PATJ: variants seen among roughly 807,000 people sequenced by gnomAD.
PATJ encodes inaD-like protein.
Under a neutral mutation model 224.9 loss-of-function variants are expected in PATJ, and 190 were observed. That is an observed-to-expected ratio of 0.84 (90% CI 0.75 to 0.95). PATJ has a LOEUF of 0.95. Among genes scored for constraint, PATJ ranks in the 40% least tolerant of loss-of-function variants. PATJ has a pLI of 0.00. For synonymous variants in PATJ, 769 were observed against 820.3 expected, an observed-to-expected ratio of 0.94 and a Z score of 1.07; for missense variants, 2,121 against 2,270.3, an observed-to-expected ratio of 0.93 and a Z score of 1.34.
At chr1:61,974,405 CTTTTTTTTTTTTTT>C (rs149825131) in intron 27 of PATJ, among the ~76,000 whole-genome samples, 2 of 64,240 alleles carry the variant, frequency 3.1e-5, no homozygotes, top group Admixed American at 2.7e-4. Context: ...CTCTCTCTCT[CTTTTTTTTTTTTTT>C]TTTTTTTTTT....
chr1:62,005,050 ATTGT>A (rs1646007086), intron 28 of PATJ, among the ~76,000 whole-genome samples: 1 of 151,992 alleles, frequency 6.6e-6, no homozygotes, highest in African/African-American at 2.4e-5. Flanking sequence ...TATTAGTATA[ATTGT>A]TTGTTGGTTA....
intron 30 of PATJ, among the ~76,000 whole-genome samples, chr1:62,044,575 C>G (rs1652166241): frequency 6.6e-6 from 1 of 152,174 alleles, no homozygotes; most frequent in Admixed American, 6.5e-5. Context: ...ACAGGACAGC[C>G]TAAATCTTTT....
At position 62,084,474 on chromosome 1, in the gene PATJ, G is replaced by C. The variant is rs554037095; in HGVS notation, c.4244-41G>C. 9 of 1,585,298 alleles carry C rather than the reference G, an allele frequency of 5.7e-6. No homozygotes were observed. The South Asian group carries it at 7.1e-5, about 12-fold the overall frequency. On this transcript the variant is annotated intron_variant, in intron 32 of 43. Transcript: ENST00000642238. ...GATGGAACGTGCAGGCTGAGCTGCA[G>C]CTCTTACATGCCAGTCATGCTGTGT...
At chr1:61,887,508 T>C (rs1331273027) in intron 22 of PATJ, among the ~76,000 whole-genome samples, 2 of 152,066 alleles carry the variant, frequency 1.3e-5, no homozygotes, top group African/African-American at 2.4e-5. Context: ...AACCACCTAG[T>C]GGTAGGGAGT....
At chr1:62,030,574 A>G (rs1002632884) in intron 29 of PATJ, among the ~76,000 whole-genome samples, 1 of 152,124 alleles carries the variant, frequency 6.6e-6, no homozygotes, top group Admixed American at 6.5e-5. Context: ...TCTTAAGTCT[A>G]TTGAGTTTTG....
chr1:61,795,468 G>T lies in PATJ; in HGVS notation c.1170G>T (p.Gly390=). The change falls in exon 10 of 44, where the codon GGG becomes GGT. Residue 390 remains glycine, a splice_region_variant and synonymous_variant. Transcript: ENST00000642238. The part of the protein sequence containing the change: ...IVGYVGTSHT[G]EASGIYVKSI... Reference sequence around the variant, plus strand: ...TTCCGTATGTCTGTGCACCTTAAGGGGAAGCTTCAGGGATTTATGTGAAAA... The same window carrying T: ...TTCCGTATGTCTGTGCACCTTAAGGTGAAGCTTCAGGGATTTATGTGAAAA... The T allele has an allele frequency of 6.3e-7, 1 of 1,581,602 alleles. No individual in the cohort carries two copies. The highest frequency in any genetic ancestry group is 8.6e-7 in the Non-Finnish European group (1 of 1,158,174).
At chr1:61,901,239 T>C in intron 23 of PATJ, 43 bp from the exon 24 acceptor site, 1 of 1,319,552 alleles carries the variant, frequency 7.6e-7, no homozygotes, top group Non-Finnish European at 1.0e-6. Context: ...TCCAACAGAT[T>C]AAACTTGTTG....
intron 42 of PATJ, 93 bp from the exon 43 acceptor site, chr1:62,153,265 T>A (rs758406613): frequency 8.3e-5 from 82 of 985,164 alleles, no homozygotes; most frequent in Non-Finnish European, 1.0e-4. Flanking sequence ...TTTTGCAGTA[T>A]GAAAGTCTCT....
At chr1:61,806,055 C>T (rs943156976) in intron 13 of PATJ, among the ~76,000 whole-genome samples, 2 of 152,196 alleles carry the variant, frequency 1.3e-5, no homozygotes, top group African/African-American at 4.8e-5. Flanking sequence ...CATTAGACTT[C>T]CTTTCACCTG....
intron 31 of PATJ, among the ~76,000 whole-genome samples, chr1:62,059,359 C>T (rs538711882): frequency 1.3e-4 from 20 of 152,118 alleles, no homozygotes; most frequent in Non-Finnish European, 2.5e-4. Flanking sequence ...TGGTTGCTCA[C>T]CCCTGTAATC....
At chr1:61,817,983 C>T (rs1656497118) in intron 14 of PATJ, among the ~76,000 whole-genome samples, 1 of 152,114 alleles carries the variant, frequency 6.6e-6, no homozygotes, top group Admixed American at 6.5e-5. Flanking sequence ...GAAAATCCTT[C>T]CCCATCCCAC....
chr1:61,831,465 A>G (rs1659305821), intron 16 of PATJ, among the ~76,000 whole-genome samples: 1 of 152,182 alleles, frequency 6.6e-6, no homozygotes, highest in Non-Finnish European at 1.5e-5. Flanking sequence ...AAGAATCTAT[A>G]AAGAACTTAA....
intron 7 of PATJ, among the ~76,000 whole-genome samples, chr1:61,784,436 A>G (rs1648058563): frequency 6.6e-6 from 1 of 152,222 alleles, no homozygotes; most frequent in African/African-American, 2.4e-5. Context: ...CAATCTGACT[A>G]ATGACTATTT....
chr1:62,112,243 C>T (rs1570649776), intron 34 of PATJ, among the ~76,000 whole-genome samples: 4 of 151,992 alleles, frequency 2.6e-5, no homozygotes, highest in Admixed American at 1.3e-4. Context: ...CGGTGGCTCA[C>T]GCCTGTAATC....
At chr1:62,010,505 A>C (rs1403583844) in intron 28 of PATJ, among the ~76,000 whole-genome samples, 1 of 117,446 alleles carries the variant, frequency 8.5e-6, no homozygotes, top group Non-Finnish European at 1.6e-5. Context: ...CTACTTTTTT[A>C]GCTCCCACAT....
intron 43 of PATJ, among the ~76,000 whole-genome samples, chr1:62,159,310 G>A (rs149253535): frequency 0.016 from 2,491 of 152,198 alleles, 33 homozygotes; most frequent in Non-Finnish European, 0.023. Flanking sequence ...TCCAGCCTCA[G>A]CCTCCCAAGT....
At chr1:61,932,656 T>C (rs1246037335) in intron 27 of PATJ, among the ~76,000 whole-genome samples, 1 of 152,202 alleles carries the variant, frequency 6.6e-6, no homozygotes, top group African/African-American at 2.4e-5. Flanking sequence ...TCCCAGCACT[T>C]TGGGAGGCCG....
At chr1:62,135,121 G>T (rs1666688502) in intron 41 of PATJ, among the ~76,000 whole-genome samples, 2 of 152,072 alleles carry the variant, frequency 1.3e-5, no homozygotes, top group South Asian at 4.1e-4. Context: ...AATTTTTCTG[G>T]GATATGGCAT....
intron 31 of PATJ, among the ~76,000 whole-genome samples, chr1:62,064,826 T>G (rs1656137034): frequency 6.6e-6 from 1 of 152,244 alleles, no homozygotes; most frequent in South Asian, 2.1e-4. Context: ...TATCAACTGC[T>G]GGATTTCTGG....
Sources: gnomAD v4.1 joint callset for allele counts (sites outside exome capture counted in the v4.1 genomes callset) on GRCh38, gnomAD v4.1.1 for gene constraint, MANE v1.5 for transcripts, NCBI Gene and HGNC (gene_info 2026-07-23, HGNC 2026-07-21) for gene names.